The following BPIFB1 variants were observed in gnomAD, a reference collection of about 807,000 sequenced individuals.
BPIFB1 encodes BPI fold containing family B member 1.
Under a neutral mutation model 55.1 loss-of-function variants are expected in BPIFB1, and 34 were observed. The observed-to-expected ratio is 0.62, with a 90% CI of 0.47 to 0.82. The LOEUF (loss-of-function observed/expected upper bound fraction) is 0.82. BPIFB1 is among the 40% of genes least tolerant of loss of function. BPIFB1 has a pLI of 0.00. For missense variants in BPIFB1, 532 were observed against 593.1 expected (o/e 0.90, Z 1.07); for synonymous variants, 236 against 245.3 (o/e 0.96, Z 0.35).
intron 6 of BPIFB1, among the ~76,000 whole-genome samples, chr20:33,293,957 T>C (rs1360533200): frequency 6.6e-6 from 1 of 152,246 alleles, no homozygotes; most frequent in Non-Finnish European, 1.5e-5. Flanking sequence ...GTCCTTACCT[T>C]CAAGAAAAAT....
At chr20:33,301,939 G>C (rs925789770) in intron 9 of BPIFB1, among the ~76,000 whole-genome samples, 2 of 152,160 alleles carry the variant, frequency 1.3e-5, no homozygotes, top group Non-Finnish European at 2.9e-5. Flanking sequence ...GTCCAGAGGG[G>C]GAAAGGGTTG....
chr20:33,301,743 G>A (rs904250978), intron 9 of BPIFB1, among the ~76,000 whole-genome samples: 6 of 152,200 alleles, frequency 3.9e-5, no homozygotes, highest in South Asian at 2.1e-4. Context: ...CAGGGATGGC[G>A]ACTGTGCCAC....
rs62209755 is a variant in BPIFB1, at chr20:33,308,577, C to T, written c.1396-1131C>T. 1.0e-3 allele frequency among the ~76,000 whole-genome samples: 130 copies of T among 124,644 alleles called. 1 individual carries two copies. Among genetic ancestry groups the T allele is most frequent in the Admixed American group, 3.3e-3 (42 of 12,568 alleles). The allele number at this position is 124,644 out of a possible 152,430, so 81.8% of individuals were successfully genotyped here. ...ATACACCTATACACATACATACACA[C>T]GCACATACAAACACATACACCTTTA... On this transcript the variant is annotated intron_variant, in intron 15 of 15. Transcript: ENST00000253354.
chr20:33,299,386 T>TTTG (rs1324029255), intron 7 of BPIFB1, among the ~76,000 whole-genome samples: 2 of 152,212 alleles, frequency 1.3e-5, no homozygotes, highest in Non-Finnish European at 2.9e-5. Flanking sequence ...TCAGAGTAGA[T>TTTG]GTTACCAGGC....
intron 13 of BPIFB1, 43 bp downstream of exon 13, chr20:33,304,934 T>A (rs1261005336): frequency 1.0e-5 from 16 of 1,603,576 alleles, no homozygotes; most frequent in Non-Finnish European, 1.4e-5. Context: ...GGGGGTGGCC[T>A]GGAATGGTCC....
intron 1 of BPIFB1, 73 bp downstream of exon 1, chr20:33,283,327 G>A (rs1568644841): frequency 6.6e-6 from 1 of 152,670 alleles, no homozygotes; most frequent in Non-Finnish European, 1.5e-5. Flanking sequence ...GTTGGGGTCA[G>A]GTCAGGAGCA....
intron 6 of BPIFB1, among the ~76,000 whole-genome samples, chr20:33,293,832 C>T (rs773471746): frequency 5.3e-5 from 8 of 151,078 alleles, no homozygotes; most frequent in Admixed American, 4.6e-4. Flanking sequence ...GACGGCAAGA[C>T]TCTGTCTCAA....
At chr20:33,306,822 G>C in intron 14 of BPIFB1, 89 bp from the exon 15 acceptor site, 1 of 1,091,388 alleles carries the variant, frequency 9.2e-7, no homozygotes, top group Non-Finnish European at 1.4e-6. Flanking sequence ...CTGCCAGGCC[G>C]GGGCTCCCCT....
intron 5 of BPIFB1, among the ~76,000 whole-genome samples, chr20:33,291,419 A>G (rs1015982566): frequency 6.6e-6 from 1 of 152,198 alleles, no homozygotes; most frequent in East Asian, 1.9e-4. Context: ...GGGCAAAAAC[A>G]TAGGCTTTGG....
At chr20:33,291,342 G>C (rs1980466422) in intron 5 of BPIFB1, among the ~76,000 whole-genome samples, 1 of 152,198 alleles carries the variant, frequency 6.6e-6, no homozygotes, top group Non-Finnish European at 1.5e-5. Flanking sequence ...CGGGAGGTGG[G>C]GCAAATCTTT....
At chr20:33,302,436 C>T (rs1314726714) in intron 10 of BPIFB1, 24 bp downstream of exon 10, 2 of 1,613,488 alleles carry the variant, frequency 1.2e-6, no homozygotes, top group African/African-American at 1.3e-5. Flanking sequence ...CCATCTGCAG[C>T]TTGAGGGGTG....
chr20:33,294,464 C>G (rs115548839), intron 6 of BPIFB1, among the ~76,000 whole-genome samples: 2 of 152,060 alleles, frequency 1.3e-5, no homozygotes, highest in Admixed American at 1.3e-4. Context: ...AGCAAAGGTA[C>G]GTATCCAGGG....
intron 2 of BPIFB1, 69 bp downstream of exon 2, chr20:33,286,257 G>A: frequency 1.1e-5 from 15 of 1,366,394 alleles, no homozygotes; most frequent in Non-Finnish European, 1.5e-5. Context: ...TCCCAAAGGA[G>A]GGAGAGAGTT....
intron 1 of BPIFB1, among the ~76,000 whole-genome samples, chr20:33,284,205 A>G (rs1330572604): frequency 6.6e-6 from 1 of 152,228 alleles, no homozygotes; most frequent in Non-Finnish European, 1.5e-5. Context: ...AGATGAGTAA[A>G]TGGAGGCTCA....
intron 8 of BPIFB1, 144 bp downstream of exon 8, chr20:33,300,128 G>A: frequency 1.4e-6 from 1 of 710,558 alleles, no homozygotes; most frequent in Non-Finnish European, 2.5e-6. Context: ...AATCACTGCA[G>A]GCTGAATATG....
chr20:33,299,096 A>G (rs1289577238), intron 7 of BPIFB1: 1 of 455,950 alleles, frequency 2.2e-6, no homozygotes, highest in Admixed American at 2.4e-5. Flanking sequence ...GGCGGGCACT[A>G]TACCCTCATT....
At position 33,302,996 on chromosome 20, in the gene BPIFB1, T is replaced by A; in HGVS notation, c.1062T>A (p.His354Gln). ...DTPEFFIDQGHAKVAQLIVLE... is the reference protein window; with the variant it reads ...DTPEFFIDQGQAKVAQLIVLE... ...CCGAGTTTTTTATAGACCAAGGCCA[T>A]GCCAAGGTGGCCCAACTGATCGTGC... The change falls in exon 11 of 16, where the codon CAT (histidine) becomes CAA (glutamine). Residue 354 changes from histidine (H) to glutamine (Q), a missense_variant. Transcript: ENST00000253354. 9 of 1,614,132 alleles carry A rather than the reference T, an allele frequency of 5.6e-6. No homozygotes were observed. Among genetic ancestry groups the A allele is most frequent in the Non-Finnish European group, 5.1e-6 (6 of 1,179,994 alleles).
chr20:33,290,992 C>T lies in BPIFB1; in HGVS notation c.401C>T (p.Thr134Met), dbSNP rs376198152. ...LVKTIVEFHM[T>M]TEAQATIRMD... ...AAGACCATCGTGGAGTTCCACATGA[C>T]GACTGAGGCCCAAGCCACCATCCGC... The change falls in exon 5 of 16, where the codon ACG becomes ATG. Residue 134 changes from threonine (T) to methionine (M), a missense_variant. Transcript: ENST00000253354. The T allele has an allele frequency of 1.6e-5, 26 of 1,613,938 alleles. No individual in the cohort carries two copies. Among genetic ancestry groups the T allele is most frequent in the South Asian group, 4.4e-5 (4 of 91,076 alleles).
intron 1 of BPIFB1, among the ~76,000 whole-genome samples, chr20:33,283,987 G>A (rs1430039395): frequency 6.6e-6 from 1 of 152,172 alleles, no homozygotes; most frequent in Non-Finnish European, 1.5e-5. Context: ...CCACAGGGGT[G>A]CCTGGATGCC....
Sources: gnomAD v4.1 joint callset for allele counts (sites outside exome capture counted in the v4.1 genomes callset) on GRCh38, gnomAD v4.1.1 for gene constraint, MANE v1.5 for transcripts, NCBI Gene and HGNC (gene_info 2026-07-23, HGNC 2026-07-21) for gene names.